Variants in CHL1 observed in about 807,000 individuals in gnomAD.
CHL1 encodes neural cell adhesion molecule L1-like protein.
In CHL1, 96 loss-of-function variants were observed where a neutral mutation model predicts 141.9. The ratio of observed to expected loss-of-function variants is 0.68; its 90% CI spans 0.57 to 0.80. The LOEUF is 0.80. Ranked by LOEUF, CHL1 falls within the 30% of genes least tolerant of loss-of-function variation. CHL1 has a pLI of 0.00. For synonymous variants in CHL1, 613 were observed against 502.2 expected, an observed-to-expected ratio of 1.22 and a Z score of -2.95; for missense variants, 1,820 against 1,457.2, an observed-to-expected ratio of 1.25 and a Z score of -4.05.
chr3:263,563 T>A (rs763424277), intron 2 of CHL1, among the ~76,000 whole-genome samples: 34 of 152,226 alleles, frequency 2.2e-4, no homozygotes, highest in South Asian at 8.3e-4. Flanking sequence ...ATATCCCTCA[T>A]TTCCATTTGC....
At chr3:395,095 C>A (rs1708561315) in intron 24 of CHL1, among the ~76,000 whole-genome samples, 1 of 152,110 alleles carries the variant, frequency 6.6e-6, no homozygotes. Flanking sequence ...TGCGCAATAC[C>A]AATCAAATTA....
At chr3:346,583 G>A (rs927900229) in intron 9 of CHL1, among the ~76,000 whole-genome samples, 17 of 152,166 alleles carry the variant, frequency 1.1e-4, no homozygotes, top group African/African-American at 3.6e-4. Flanking sequence ...AGAAAATGAA[G>A]AGTCATGAAG....
intron 16 of CHL1, among the ~76,000 whole-genome samples, chr3:379,985 G>A (rs1706833608): frequency 6.6e-6 from 1 of 152,058 alleles, no homozygotes; most frequent in African/African-American, 2.4e-5. Context: ...TAAAAGCCTT[G>A]ACATAAACAT....
At chr3:388,398 T>C (rs1707931506) in intron 19 of CHL1, among the ~76,000 whole-genome samples, 2 of 151,362 alleles carry the variant, frequency 1.3e-5, no homozygotes, top group South Asian at 4.2e-4. Flanking sequence ...AAATACAAAA[T>C]TAGCCGGGCG....
intron 1 of CHL1, chr3:198,016 T>G (rs1698533064): frequency 2.9e-6 from 1 of 342,882 alleles, no homozygotes; most frequent in South Asian, 2.2e-5. Context: ...CGAGCCACAG[T>G]GTCTCAGCCA....
chr3:218,142 C>T (rs1469825590), intron 1 of CHL1, among the ~76,000 whole-genome samples: 1 of 152,136 alleles, frequency 6.6e-6, no homozygotes, highest in Non-Finnish European at 1.5e-5. Flanking sequence ...TGTTTTCAGG[C>T]TTCTTAATAG....
chr3:323,336 A>C (rs1575067099), intron 3 of CHL1, among the ~76,000 whole-genome samples: 2 of 152,234 alleles, frequency 1.3e-5, no homozygotes, highest in East Asian at 3.9e-4. Context: ...TGATTAGATC[A>C]GTGGCAATTC....
At position 390,999 on chromosome 3, in the gene CHL1, T is replaced by G. The variant is rs368423319; in HGVS notation, c.2631T>G (p.His877Gln). ...AAAGTCTGTTGGATGGAAGAACACA[T>G]CCCAAAGAAGTGAACATTCTAAGAT... ...KTKSLLDGRT[H>Q]PKEVNILRFS... is the part of the protein sequence containing the mutation. The change falls in exon 22 of 28, where the codon CAT (histidine) becomes CAG (glutamine). Residue 877 changes from histidine to glutamine, a missense_variant. Transcript: ENST00000256509. 3 of 1,614,172 alleles carry G rather than the reference T, an allele frequency of 1.9e-6. No homozygotes were observed. The highest frequency in any genetic ancestry group is 8.5e-7 in the Non-Finnish European group (1 of 1,180,008).
chr3:349,547 C>T lies in CHL1; in HGVS notation c.1033+4C>T. On this transcript the variant is annotated splice_donor_region_variant and intron_variant, in intron 10 of 27. Transcript: ENST00000256509. Reference sequence around the variant, plus strand: ...GATTTTCACGTTATAGTAGAAGGTACCTTTCCCATGTTGGTCTATTTCTCT... The same window carrying T: ...GATTTTCACGTTATAGTAGAAGGTATCTTTCCCATGTTGGTCTATTTCTCT... 2.5e-6 allele frequency: 4 copies of T among 1,609,150 alleles called. No homozygotes were observed. The highest frequency in any genetic ancestry group is 3.4e-6 in the Non-Finnish European group (4 of 1,177,854).
rs1229433895 is a variant in CHL1 at position 232,450 on chromosome 3, A to G, written c.-174-12163A>G. On this transcript the variant is annotated intron_variant, in intron 1 of 27. Coordinates refer to ENST00000256509, the MANE Select transcript of CHL1 (RefSeq NM_006614.4). Reference sequence around the variant, plus strand: ...TTAAGGTAACATTTAGATCCTGTCAATAACTATAGCCTACTTTATTTTTTG... The same window carrying G: ...TTAAGGTAACATTTAGATCCTGTCAGTAACTATAGCCTACTTTATTTTTTG... 4.6e-5 allele frequency among the ~76,000 whole-genome samples: 7 copies of G among 152,186 alleles called. No homozygotes were observed. In the East Asian group the frequency reaches 1.2e-3, roughly 25 times the overall value.
chr3:293,095 T>C (rs903577270), intron 2 of CHL1, among the ~76,000 whole-genome samples: 4 of 152,338 alleles, frequency 2.6e-5, no homozygotes, highest in South Asian at 2.1e-4. Flanking sequence ...TGGATATAAA[T>C]ACATAGATAT....
chr3:244,210 T>G (rs142509349), intron 1 of CHL1, among the ~76,000 whole-genome samples: 17 of 152,284 alleles, frequency 1.1e-4, no homozygotes, highest in Non-Finnish European at 2.5e-4. Flanking sequence ...TCGTTTTATT[T>G]TGAAAGATTA....
At chr3:368,313 C>T (rs907253943) in intron 15 of CHL1, among the ~76,000 whole-genome samples, 3 of 152,098 alleles carry the variant, frequency 2.0e-5, no homozygotes, top group African/African-American at 7.2e-5. Context: ...GATGGTATCT[C>T]ATTGTGGTTT....
intron 5 of CHL1, among the ~76,000 whole-genome samples, chr3:337,483 A>T (rs1429103296): frequency 6.6e-6 from 1 of 151,894 alleles, no homozygotes; most frequent in South Asian, 2.1e-4. Flanking sequence ...CATCATTTAC[A>T]TTAGGTATGT....
intron 2 of CHL1, among the ~76,000 whole-genome samples, chr3:317,657 A>AG (rs1319629711): frequency 6.6e-6 from 1 of 151,174 alleles, no homozygotes; most frequent in Non-Finnish European, 1.5e-5. Context: ...TGTTTCAGAA[A>AG]AAAAAAAAAA....
intron 1 of CHL1, among the ~76,000 whole-genome samples, chr3:221,684 A>G (rs1700854728): frequency 6.6e-6 from 1 of 152,222 alleles, no homozygotes; most frequent in Non-Finnish European, 1.5e-5. Flanking sequence ...ATTTCATGTA[A>G]TCCTTCCAAT....
Position 391,232 on chromosome 3 carries a change from T to C in CHL1, c.2791+73T>C, listed in dbSNP as rs559442185. On this transcript the variant is annotated intron_variant, in intron 22 of 27. Transcript: ENST00000256509. Reference sequence around the variant, plus strand: ...TGGCCATATTAAACATTCTTCCTTATGGCCAGGCACAGTGGCTCATGCCTG... The same window carrying C: ...TGGCCATATTAAACATTCTTCCTTACGGCCAGGCACAGTGGCTCATGCCTG... The C allele has an allele frequency of 2.9e-5, 36 of 1,227,794 alleles. No homozygotes were observed. In the South Asian group the frequency reaches 4.0e-4, roughly 14 times the overall value. 76.1% of individuals were successfully genotyped at this position (1,227,794 alleles called of 1,614,324 possible). A position where few individuals can be genotyped will look rare whatever the true frequency, so the allele number is the denominator to read the frequency against.
At chr3:394,331 C>CA (rs1254917157) in intron 23 of CHL1, among the ~76,000 whole-genome samples, 1 of 151,978 alleles carries the variant, frequency 6.6e-6, no homozygotes, top group African/African-American at 2.4e-5. Context: ...GAAAATATAG[C>CA]AATGGGGAAA....
At chr3:353,791 G>C (rs1288832395) in intron 10 of CHL1, among the ~76,000 whole-genome samples, 1 of 152,144 alleles carries the variant, frequency 6.6e-6, no homozygotes, top group Non-Finnish European at 1.5e-5. Flanking sequence ...AACTACACTT[G>C]ATGGGAGTTG....
Sources: gnomAD v4.1 joint callset for allele counts (sites outside exome capture counted in the v4.1 genomes callset) on GRCh38, gnomAD v4.1.1 for gene constraint, MANE v1.5 for transcripts, NCBI Gene and HGNC (gene_info 2026-07-23, HGNC 2026-07-21) for gene names.